The following SLMAP variants were observed in gnomAD, a reference collection of about 807,000 sequenced individuals.
SLMAP encodes sarcolemma associated protein.
In SLMAP, 44 loss-of-function variants were observed where a neutral mutation model predicts 128.8. The ratio of observed to expected loss-of-function variants is 0.34; its 90% CI spans 0.27 to 0.44. The LOEUF (loss-of-function observed/expected upper bound fraction) is 0.44. Among genes scored for constraint, SLMAP ranks in the 20% least tolerant of loss-of-function variants. The pLI is 1.00. For missense variants in SLMAP, 787 were observed against 985.3 expected, an observed-to-expected ratio of 0.80 and a Z score of 2.69; for synonymous variants, 327 against 348.8, an observed-to-expected ratio of 0.94 and a Z score of 0.70.
chr3:57,882,317 T>C (rs536628898), intron 14 of SLMAP, among the ~76,000 whole-genome samples: 47 of 152,190 alleles, frequency 3.1e-4, no homozygotes, highest in African/African-American at 1.1e-3. Flanking sequence ...ACCAAAAAAT[T>C]AATATGTTAG....
chr3:57,922,866 A>T, intron 22 of SLMAP, 23 bp from the exon 23 acceptor site: 8 of 1,600,298 alleles, frequency 5.0e-6, no homozygotes, highest in Non-Finnish European at 6.8e-6. Flanking sequence ...GTATCTGCAC[A>T]CTTTTTTTTT....
chr3:57,884,575 A>C (rs749473775), intron 14 of SLMAP, among the ~76,000 whole-genome samples: 20 of 152,192 alleles, frequency 1.3e-4, no homozygotes, highest in Non-Finnish European at 2.2e-4. Flanking sequence ...TGGGAGGCCA[A>C]GGTGGGCAGA....
At chr3:57,776,860 T>C (rs2153453797) in intron 2 of SLMAP, among the ~76,000 whole-genome samples, 1 of 152,114 alleles carries the variant, frequency 6.6e-6, no homozygotes, top group East Asian at 1.9e-4. Context: ...TGAACTTTGA[T>C]CATGTTTAAC....
chr3:57,926,054 T>C (rs879307973), intron 24 of SLMAP, 120 bp downstream of exon 24: 19 of 701,498 alleles, frequency 2.7e-5, no homozygotes, highest in Non-Finnish European at 4.1e-5. Context: ...AAACCCTTCA[T>C]TTAGTATGCC....
intron 2 of SLMAP, among the ~76,000 whole-genome samples, chr3:57,803,091 A>G (rs1284258049): frequency 2.6e-5 from 4 of 152,214 alleles, no homozygotes; most frequent in Non-Finnish European, 5.9e-5. Flanking sequence ...TAGATGAGCA[A>G]CTACTACAGT....
intron 23 of SLMAP, 76 bp downstream of exon 23, chr3:57,923,099 A>G (rs2096944541): frequency 7.2e-7 from 1 of 1,380,558 alleles, no homozygotes; most frequent in Non-Finnish European, 1.0e-6. Context: ...AGAGGACTTT[A>G]TCACTGATTT....
intron 17 of SLMAP, among the ~76,000 whole-genome samples, chr3:57,903,567 T>G (rs1371133331): frequency 1.3e-5 from 2 of 152,218 alleles, no homozygotes; most frequent in Non-Finnish European, 2.9e-5. Flanking sequence ...GTCACTCTTT[T>G]GAAGATATTT....
At chr3:57,915,365 G>T (rs1166142994) in intron 21 of SLMAP, among the ~76,000 whole-genome samples, 3 of 152,190 alleles carry the variant, frequency 2.0e-5, no homozygotes, top group Non-Finnish European at 4.4e-5. Context: ...ATAAGTCATT[G>T]GTCAGATCAT....
intron 14 of SLMAP, among the ~76,000 whole-genome samples, chr3:57,875,896 ATATCT>A (rs2095594725): frequency 6.6e-6 from 1 of 152,202 alleles, no homozygotes; most frequent in African/African-American, 2.4e-5. Context: ...AATTCAGCAA[ATATCT>A]TAAGTAAATT....
chr3:57,871,846 T>C (rs1486167800), intron 14 of SLMAP, 148 bp downstream of exon 14: 1 of 570,414 alleles, frequency 1.8e-6, no homozygotes, highest in Non-Finnish European at 3.1e-6. Flanking sequence ...TTTTCATAAC[T>C]ATTTGTCTTT....
chr3:57,906,304 T>TTTTTTC (rs1322534354), intron 17 of SLMAP, among the ~76,000 whole-genome samples: 8 of 113,504 alleles, frequency 7.0e-5, no homozygotes, highest in Non-Finnish European at 1.2e-4. Context: ...TTTTTTCTTT[T>TTTTTTC]TTTTTCTTTT....
At chr3:57,806,038 TG>T (rs1160489807) in intron 2 of SLMAP, among the ~76,000 whole-genome samples, 3 of 151,678 alleles carry the variant, frequency 2.0e-5, no homozygotes, top group African/African-American at 4.9e-5. Flanking sequence ...TTGTTTGTTT[TG>T]TTTTTTTTTT....
intron 6 of SLMAP, among the ~76,000 whole-genome samples, 162 bp from the exon 7 acceptor site, chr3:57,857,571 G>A (rs114000330): frequency 1.9e-3 from 291 of 152,202 alleles, no homozygotes; most frequent in African/African-American, 6.7e-3. Flanking sequence ...AGATAAGCGG[G>A]GACTGCTGTA....
At chr3:57,922,723 G>A (rs570915074) in intron 22 of SLMAP, among the ~76,000 whole-genome samples, 166 bp from the exon 23 acceptor site, 67 of 152,202 alleles carry the variant, frequency 4.4e-4, no homozygotes, top group South Asian at 2.7e-3. Context: ...CACTGCGCCC[G>A]GCCAAAAGAC....
At chr3:57,869,037 A>G (rs2095402356) in intron 13 of SLMAP, among the ~76,000 whole-genome samples, 1 of 138,156 alleles carries the variant, frequency 7.2e-6, no homozygotes, top group South Asian at 2.2e-4. Context: ...TATATATATA[A>G]TATATATTAT....
intron 2 of SLMAP, among the ~76,000 whole-genome samples, chr3:57,827,248 G>C (rs1048621510): frequency 6.6e-6 from 1 of 152,144 alleles, no homozygotes; most frequent in African/African-American, 2.4e-5. Flanking sequence ...AATGTAGAAA[G>C]AGTTAAAAAG....
At chr3:57,805,557 G>A (rs1190198119) in intron 2 of SLMAP, among the ~76,000 whole-genome samples, 7 of 152,138 alleles carry the variant, frequency 4.6e-5, no homozygotes, top group Admixed American at 3.3e-4. Flanking sequence ...TAACACTGTC[G>A]TAATTCAGGG....
intron 6 of SLMAP, among the ~76,000 whole-genome samples, chr3:57,853,991 A>ATT (rs2094630496): frequency 9.0e-6 from 1 of 111,084 alleles, no homozygotes; most frequent in Non-Finnish European, 1.8e-5. Context: ...ATATATATAT[A>ATT]TATATATATT....
intron 14 of SLMAP, among the ~76,000 whole-genome samples, chr3:57,873,197 C>A (rs4560269): frequency 1.3e-5 from 2 of 152,114 alleles, no homozygotes. Context: ...TGACATATTT[C>A]TTTGTCCTTT....
Sources: gnomAD v4.1 joint callset for allele counts (sites outside exome capture counted in the v4.1 genomes callset) on GRCh38, gnomAD v4.1.1 for gene constraint, MANE v1.5 for transcripts, NCBI Gene and HGNC (gene_info 2026-07-23, HGNC 2026-07-21) for gene names.